Variants in PCDHGB7 observed in about 807,000 individuals in gnomAD.
PCDHGB7 encodes the protein protocadherin gamma-B7.
Under a neutral mutation model 61.4 loss-of-function variants are expected in PCDHGB7, and 37 were observed. That is an observed-to-expected ratio of 0.60 (90% CI 0.46 to 0.79). The LOEUF (loss-of-function observed/expected upper bound fraction) is 0.79. Ranked by LOEUF, PCDHGB7 falls within the 30% of genes least tolerant of loss-of-function variation. PCDHGB7 has a pLI of 0.00. For missense variants in PCDHGB7, 1,166 were observed against 1,202.5 expected, an observed-to-expected ratio of 0.97 and a Z score of 0.45; for synonymous variants, 464 against 503.5, an observed-to-expected ratio of 0.92 and a Z score of 1.05.
At chr5:141,506,308 G>A (rs941724820) in intron 3 of PCDHGB7, among the ~76,000 whole-genome samples, 8 of 152,100 alleles carry the variant, frequency 5.3e-5, no homozygotes. Flanking sequence ...AATTAGCTGG[G>A]CATGGTGGTG....
intron 1 of PCDHGB7, among the ~76,000 whole-genome samples, chr5:141,470,151 CT>C (rs746135943): frequency 7.2e-5 from 11 of 152,164 alleles, no homozygotes; most frequent in Non-Finnish European, 1.6e-4. Flanking sequence ...CATAGATCAT[CT>C]TATCAAATCA....
chr5:141,448,166 A>G (rs1475687778), intron 1 of PCDHGB7, among the ~76,000 whole-genome samples: 2 of 151,978 alleles, frequency 1.3e-5, no homozygotes, highest in Non-Finnish European at 2.9e-5. Context: ...AAAGATCACT[A>G]CTATTCATCC....
At position 141,417,824 on chromosome 5, in the gene PCDHGB7, G is replaced by A. The variant is rs2096165363; in HGVS notation, c.-36G>A. ...GCGGTAGAGTGCACTTTCTCCAACT[G>A]GAAAAGCGGGGACCCAGCGAGAACC... is the stretch of plus-strand genomic sequence containing the variant. On this transcript the variant is annotated 5_prime_UTR_variant, in exon 1 of 4. Transcript: ENST00000398594. 2.6e-6 allele frequency: 4 copies of A among 1,518,120 alleles called. No homozygotes were observed. The highest frequency in any genetic ancestry group is 3.5e-6 in the Non-Finnish European group (4 of 1,130,136). The allele number at this position is 1,518,120 out of a possible 1,614,324, so 94.0% of individuals were successfully genotyped here. A position where few individuals can be genotyped will look rare whatever the true frequency, so the allele number is the denominator to read the frequency against.
intron 1 of PCDHGB7, among the ~76,000 whole-genome samples, chr5:141,435,157 A>G (rs1387976305): frequency 6.6e-6 from 1 of 152,176 alleles, no homozygotes; most frequent in Non-Finnish European, 1.5e-5. Context: ...AAACTTTTGT[A>G]AATAGAGTGG....
intron 1 of PCDHGB7, among the ~76,000 whole-genome samples, chr5:141,481,103 C>G (rs190529217): frequency 2.6e-4 from 39 of 152,252 alleles, no homozygotes; most frequent in Non-Finnish European, 3.4e-4. Context: ...TACTCTGGAA[C>G]CTACCAATCC....
At chr5:141,441,298 T>C (rs1289976355) in intron 1 of PCDHGB7, 1 of 152,150 alleles carries the variant, frequency 6.6e-6, no homozygotes, top group Non-Finnish European at 1.5e-5. Flanking sequence ...ATGTCTGATA[T>C]AAGAAAATGC....
In PCDHGB7 at chr5:141,419,571, G is replaced by C; in HGVS notation, c.1712G>C (p.Gly571Ala). ...RVLYPALGPD[G>A]SALFDTVPRA... Reference sequence around the variant, plus strand: ...CTGTACCCTGCGCTGGGTCCCGACGGCTCCGCGCTCTTCGACACAGTGCCG... The same window carrying C: ...CTGTACCCTGCGCTGGGTCCCGACGCCTCCGCGCTCTTCGACACAGTGCCG... Residue 571 changes from glycine to alanine, a missense_variant, in exon 1 of 4, where the codon GGC becomes GCC. Physicochemically the swap from Gly to Ala is moderately conservative, Grantham distance 60. Transcript: ENST00000398594. 6.2e-7 allele frequency: 1 copy of C among 1,611,704 alleles called. No individual in the cohort carries two copies.
intron 1 of PCDHGB7, among the ~76,000 whole-genome samples, chr5:141,433,397 A>ATCTC (rs1179042498): frequency 6.6e-6 from 1 of 150,410 alleles, no homozygotes; most frequent in African/African-American, 2.5e-5. Flanking sequence ...CTATCTATCT[A>ATCTC]TCTATCTATT....
Position 141,431,625 on chromosome 5 carries a change from C to T in PCDHGB7, c.2415+11351C>T. The T allele has an allele frequency of 6.2e-7, 1 of 1,614,224 alleles. No individual in the cohort carries two copies. Among genetic ancestry groups the T allele is most frequent in the South Asian group, 1.1e-5 (1 of 91,082 alleles). On this transcript the variant is annotated intron_variant, in intron 1 of 3. Transcript: ENST00000398594. This position sits in a 1 kb window ranked among gnomAD's most constrained non-coding sequence, Gnocchi z 4.8. Reference sequence around the variant, plus strand: ...TTCCGGTATGTGGACGACAAGGCGGCCCAAGTTTTCAAACTAGATTGTAAT... The same window carrying T: ...TTCCGGTATGTGGACGACAAGGCGGTCCAAGTTTTCAAACTAGATTGTAAT...
Position 141,420,095 on chromosome 5 carries a change from G to A in PCDHGB7, c.2236G>A (p.Gly746Arg), listed in dbSNP as rs1382286285. 2.5e-6 allele frequency: 4 copies of A among 1,613,882 alleles called. No individual in the cohort carries two copies. Among genetic ancestry groups the A allele is most frequent in the Admixed American group, 1.7e-5 (1 of 60,010 alleles). ...TGTGGGTCCCCCCAACTACAGTGAGGGAACGTTGCCCTATGCCTATAATTT... is the reference window on the plus strand; with the variant it reads ...TGTGGGTCCCCCCAACTACAGTGAGAGAACGTTGCCCTATGCCTATAATTT... ...GPVGPPNYSEGTLPYAYNFCV... is the reference protein window; with the variant it reads ...GPVGPPNYSERTLPYAYNFCV... The change falls in exon 1 of 4, where the codon GGA (glycine) becomes AGA (arginine). Residue 746 changes from glycine (G) to arginine (R), a missense_variant. Physicochemically the swap from Gly to Arg is moderately radical, Grantham distance 125. Coordinates refer to ENST00000398594, the MANE Select transcript of PCDHGB7 (RefSeq NM_018927.4).
At chr5:141,470,872 TTTTTTGTTTTTG>T (rs900302332) in intron 1 of PCDHGB7, among the ~76,000 whole-genome samples, 1 of 151,814 alleles carries the variant, frequency 6.6e-6, no homozygotes, top group Non-Finnish European at 1.5e-5. Context: ...GTTTGTTTGT[TTTTTTGTTTTTG>T]TTTTTGTTTT....
In PCDHGB7 at chr5:141,489,163, C is replaced by T. The variant is rs2099683398; in HGVS notation, c.2416-5644C>T. 1 of 1,060,592 alleles carries T rather than the reference C, an allele frequency of 9.4e-7. No individual in the cohort carries two copies. Among genetic ancestry groups the T allele is most frequent in the Admixed American group, 2.4e-5 (1 of 41,724 alleles). The allele number at this position is 1,060,592 out of a possible 1,614,324, so 65.7% of individuals were successfully genotyped here. On this transcript the variant is annotated intron_variant, in intron 1 of 3. Coordinates refer to ENST00000398594, the MANE Select transcript of PCDHGB7 (RefSeq NM_018927.4). This position sits in a 1 kb window ranked among gnomAD's most constrained non-coding sequence, Gnocchi z 4.5. ...TGGAAGGAGACATAAGAGACTTCAGCTGCTGCATTCCAAGCCCTGGGTCTA... is the reference window on the plus strand; with the variant it reads ...TGGAAGGAGACATAAGAGACTTCAGTTGCTGCATTCCAAGCCCTGGGTCTA...
chr5:141,460,656 ACTGTAAACACAGT>A (rs2098994793), intron 1 of PCDHGB7, among the ~76,000 whole-genome samples: 1 of 152,086 alleles, frequency 6.6e-6, no homozygotes, highest in Admixed American at 6.6e-5. Flanking sequence ...CACATATGTA[ACTGTAAACACAGT>A]TATATATCTA....
At chr5:141,501,238 G>A (rs1482962385) in intron 2 of PCDHGB7, among the ~76,000 whole-genome samples, 2 of 151,018 alleles carry the variant, frequency 1.3e-5, no homozygotes, top group African/African-American at 4.9e-5. Flanking sequence ...AGTTTTTTGA[G>A]CATGATGTAG....
chr5:141,421,927 C>T (rs1179128418), intron 1 of PCDHGB7: 2 of 1,613,396 alleles, frequency 1.2e-6, no homozygotes, highest in African/African-American at 2.7e-5. Flanking sequence ...TGTGGTGGTC[C>T]TCGATGTAAA....
chr5:141,432,300 T>G lies in PCDHGB7; in HGVS notation c.2415+12026T>G, dbSNP rs1280788604. ...TCCATCAACTCCGACACTGGGGTACTGTATGCGCTGAGCTCCTTCGACTAC... is the reference window on the plus strand; with the variant it reads ...TCCATCAACTCCGACACTGGGGTACGGTATGCGCTGAGCTCCTTCGACTAC... On this transcript the variant is annotated intron_variant, in intron 1 of 3. Transcript: ENST00000398594. The surrounding 1 kb of genome is among the most constrained non-coding windows in gnomAD (Gnocchi z 6.0). 1.9e-6 allele frequency: 3 copies of G among 1,614,158 alleles called. No homozygotes were observed. The highest frequency in any genetic ancestry group is 2.5e-6 in the Non-Finnish European group (3 of 1,180,056).
Position 141,494,692 on chromosome 5 carries a change from C to T in PCDHGB7, c.2416-115C>T. On this transcript the variant is annotated intron_variant, in intron 1 of 3. Coordinates refer to ENST00000398594, the MANE Select transcript of PCDHGB7 (RefSeq NM_018927.4). ...AGTCCACCCCTGCCCCCTCTTAGTC[C>T]GTTTTCTTCTCTGTGCCCACTCCCC... 2.5e-6 allele frequency: 4 copies of T among 1,581,934 alleles called. No individual in the cohort carries two copies. In the African/African-American group the frequency reaches 4.0e-5, roughly 16 times the overall value.
rs139344941 is a variant in PCDHGB7, at chr5:141,480,950, C to T, written c.2416-13857C>T. Among the ~76,000 whole-genome samples the T allele has an allele frequency of 6.7e-3, 1,016 of 152,086 alleles. 11 individuals carry two copies. Among genetic ancestry groups the T allele is most frequent in the African/African-American group, 0.023 (953 of 41,456 alleles). On this transcript the variant is annotated intron_variant, in intron 1 of 3. Transcript: ENST00000398594. ...GTCCCAGCTACTCTAGAGGCTGAGG[C>T]GGAAGCATCAGTGAGGGAGAATCAG...
At chr5:141,475,959 A>T (rs963363028) in intron 1 of PCDHGB7, 15 of 817,720 alleles carry the variant, frequency 1.8e-5, no homozygotes, top group East Asian at 2.6e-5. Context: ...GCGCCCCGGG[A>T]TGAGGCAGAG....
Sources: allele counts gnomAD v4.1 joint callset (sites outside exome capture counted in the v4.1 genomes callset), GRCh38; gene constraint gnomAD v4.1.1; non-coding constraint Gnocchi (gnomAD v3.1); transcripts MANE v1.5; gene names NCBI Gene and HGNC (gene_info 2026-07-23, HGNC 2026-07-21).